Variants in MSRA observed in about 807,000 individuals in gnomAD.
MSRA encodes mitochondrial peptide methionine sulfoxide reductase.
MSRA carries 54 observed loss-of-function variants against 31.3 expected under a neutral mutation model. The observed-to-expected ratio is 1.73, with a 90% CI of 1.39 to 2.17. MSRA has a LOEUF of 2.17. MSRA is among the 30% of genes most tolerant of loss of function. The pLI is 0.00. For missense variants in MSRA, 507 were observed against 300.9 expected (o/e 1.69, Z -5.07); for synonymous variants, 169 against 116.5 (o/e 1.45, Z -2.90).
chr8:10,247,619 A>C (rs990103774), intron 3 of MSRA, among the ~76,000 whole-genome samples: 3 of 152,180 alleles, frequency 2.0e-5, no homozygotes, highest in African/African-American at 4.8e-5. Flanking sequence ...AACCACAGAG[A>C]CTGGTAAAGA....
At chr8:10,348,096 T>C (rs1275386501) in intron 5 of MSRA, among the ~76,000 whole-genome samples, 1 of 152,210 alleles carries the variant, frequency 6.6e-6, no homozygotes, top group Admixed American at 6.5e-5. Flanking sequence ...GGTTCATCCT[T>C]AGATGGATTT....
At position 10,135,959 on chromosome 8, in the gene MSRA, C is replaced by T. The variant is rs573328230; in HGVS notation, c.143-71874C>T. Among the ~76,000 whole-genome samples the T allele has an allele frequency of 4.7e-4, 71 of 152,236 alleles. 2 individuals carry two copies. In the South Asian group the frequency reaches 0.013, roughly 28 times the overall value. On this transcript the variant is annotated intron_variant, in intron 1 of 5. Transcript: ENST00000317173. ...GATCCAGAAGGATCCTTGGGGGCTG[C>T]GTGTTGCACTGTGGTTGTTTAATAG...
intron 1 of MSRA, among the ~76,000 whole-genome samples, chr8:10,179,289 G>A (rs1162957552): frequency 6.6e-6 from 1 of 152,164 alleles, no homozygotes; most frequent in Admixed American, 6.5e-5. Flanking sequence ...TGCTAAATAG[G>A]TACCAAGGAC....
chr8:10,346,640 G>C (rs1803794098), intron 5 of MSRA, among the ~76,000 whole-genome samples: 1 of 152,228 alleles, frequency 6.6e-6, no homozygotes. Context: ...AGTATGTCCT[G>C]ATTGGAGGCT....
intron 5 of MSRA, among the ~76,000 whole-genome samples, chr8:10,396,686 G>A (rs535918485): frequency 1.2e-4 from 18 of 152,186 alleles, no homozygotes; most frequent in Non-Finnish European, 2.4e-4. Context: ...TTCCCCAAGG[G>A]AACTGCCCTT....
In MSRA at chr8:10,319,078, A is replaced by AT. The variant is rs546886111; in HGVS notation, c.437-797dup. ...ACCCACTCCCTTTCTGAAACCTTGC[A>AT]TTTTTTTTAACCTGCACAGATTTTC... On this transcript the variant is annotated intron_variant, in intron 4 of 5. Transcript: ENST00000317173. Among the ~76,000 whole-genome samples, 45 of 151,756 alleles carry AT rather than the reference A, an allele frequency of 3.0e-4. 1 individual carries two copies. The highest frequency in any genetic ancestry group is 3.4e-3 in the Middle Eastern group (1 of 294).
At chr8:10,227,893 A>G (rs995958824) in intron 2 of MSRA, among the ~76,000 whole-genome samples, 7 of 152,196 alleles carry the variant, frequency 4.6e-5, no homozygotes, top group East Asian at 1.9e-4. Flanking sequence ...ATTATTTAAC[A>G]TGATGTAGAT....
intron 5 of MSRA, among the ~76,000 whole-genome samples, chr8:10,338,575 A>G (rs1803209349): frequency 6.6e-6 from 1 of 152,250 alleles, no homozygotes; most frequent in Admixed American, 6.5e-5. Context: ...TTGTATGCAT[A>G]TATTAAAACA....
intron 5 of MSRA, among the ~76,000 whole-genome samples, chr8:10,394,326 T>G (rs1303984481): frequency 6.6e-6 from 1 of 152,186 alleles, no homozygotes; most frequent in Non-Finnish European, 1.5e-5. Flanking sequence ...GTGTACCAGA[T>G]CCTACCACAC....
chr8:10,399,229 A>G (rs4841330), intron 5 of MSRA, among the ~76,000 whole-genome samples: 151,192 of 152,370 alleles, frequency 0.99, 75,026 homozygotes, highest in Middle Eastern at 1. Flanking sequence ...CTCAGATCTG[A>G]CAATGTCTAG....
At chr8:10,199,791 T>C (rs1042803927) in intron 1 of MSRA, among the ~76,000 whole-genome samples, 1 of 152,208 alleles carries the variant, frequency 6.6e-6, no homozygotes, top group African/African-American at 2.4e-5. Context: ...CTAAAAATCC[T>C]CTCTTAGGAT....
At chr8:10,384,279 G>A (rs1007043887) in intron 5 of MSRA, among the ~76,000 whole-genome samples, 4 of 152,134 alleles carry the variant, frequency 2.6e-5, no homozygotes, top group Non-Finnish European at 5.9e-5. Context: ...TTGCTCTGAC[G>A]CCGTCAAATC....
chr8:10,187,523 G>A (rs942751959), intron 1 of MSRA, among the ~76,000 whole-genome samples: 4 of 152,082 alleles, frequency 2.6e-5, no homozygotes, highest in Non-Finnish European at 4.4e-5. Context: ...TTCAAAAATC[G>A]TTCCACAGCC....
At chr8:10,154,082 G>A (rs568849583) in intron 1 of MSRA, among the ~76,000 whole-genome samples, 2 of 152,290 alleles carry the variant, frequency 1.3e-5, no homozygotes, top group African/African-American at 4.8e-5. Context: ...GGAAATAATA[G>A]TCTGGTATCC....
At chr8:10,255,658 G>A (rs1156246228) in intron 3 of MSRA, among the ~76,000 whole-genome samples, 1 of 151,972 alleles carries the variant, frequency 6.6e-6, no homozygotes, top group African/African-American at 2.4e-5. Context: ...AGGCGTGTTC[G>A]GTTGCGTTTG....
At chr8:10,314,683 T>C (rs1428593254) in intron 4 of MSRA, among the ~76,000 whole-genome samples, 1 of 152,206 alleles carries the variant, frequency 6.6e-6, no homozygotes, top group Admixed American at 6.5e-5. Flanking sequence ...TGCATATGTA[T>C]AAGAGAATAC....
chr8:10,164,877 A>C (rs10106037), intron 1 of MSRA, among the ~76,000 whole-genome samples: 1,581 of 152,160 alleles, frequency 0.01, 32 homozygotes, highest in African/African-American at 0.036. Flanking sequence ...AAAATATAAA[A>C]ATTAGCCTGG....
At chr8:10,398,535 A>G (rs1807245273) in intron 5 of MSRA, among the ~76,000 whole-genome samples, 1 of 152,220 alleles carries the variant, frequency 6.6e-6, no homozygotes, top group Admixed American at 6.5e-5. Context: ...TGTCAGTGCC[A>G]GCAGAAAAAC....
At chr8:10,115,648 C>A (rs1005341219) in intron 1 of MSRA, among the ~76,000 whole-genome samples, 4 of 152,120 alleles carry the variant, frequency 2.6e-5, no homozygotes, top group African/African-American at 9.7e-5. Context: ...AGATTGATGC[C>A]ATGAGCTGTG....
Sources: allele counts gnomAD v4.1 joint callset (sites outside exome capture counted in the v4.1 genomes callset), GRCh38; gene constraint gnomAD v4.1.1; transcripts MANE v1.5; gene names NCBI Gene and HGNC (gene_info 2026-07-23, HGNC 2026-07-21).